The following DNA2 variants were observed in gnomAD, a reference collection of about 807,000 sequenced individuals.
DNA2 encodes the protein DNA replication ATP-dependent helicase/nuclease DNA2.
A neutral mutation model predicts 119.1 loss-of-function variants in DNA2; 101 were observed. That is an observed-to-expected ratio of 0.85 (90% CI 0.72 to 1.00). DNA2 has a LOEUF of 1.00. Ranked by LOEUF, DNA2 falls within the 50% of genes least tolerant of loss-of-function variation. The pLI is 0.00. For missense variants in DNA2, 1,121 were observed against 1,255.5 expected, an observed-to-expected ratio of 0.89 and a Z score of 1.62; for synonymous variants, 366 against 424.4, an observed-to-expected ratio of 0.86 and a Z score of 1.69.
At chr10:68,464,462 C>T in intron 4 of DNA2, among the ~76,000 whole-genome samples, 1 of 151,290 alleles carries the variant, frequency 6.6e-6, no homozygotes, top group Non-Finnish European at 1.5e-5. Context: ...CTGCAATGAG[C>T]CAAGAGCAAG....
At position 68,427,005 on chromosome 10, in the gene DNA2, C is replaced by T. The variant is rs143215370; in HGVS notation, c.2208+3431G>A. 3.2e-3 allele frequency among the ~76,000 whole-genome samples: 491 copies of T among 152,228 alleles called. 3 individuals carry two copies. The highest frequency in any genetic ancestry group is 0.011 in the African/African-American group (454 of 41,540). Reference sequence around the variant, plus strand: ...TTTTAAAAATTCTCAAAACTCAACACTACAAAGCATATAATCCAAAATGGG... The same window carrying T: ...TTTTAAAAATTCTCAAAACTCAACATTACAAAGCATATAATCCAAAATGGG... On this transcript the variant is annotated intron_variant, in intron 14 of 20. Coordinates refer to ENST00000358410, the MANE Select transcript of DNA2 (RefSeq NM_001080449.3).
chr10:68,470,747 TTA>T, intron 1 of DNA2: 1 of 329,640 alleles, frequency 3.0e-6, no homozygotes, highest in South Asian at 2.4e-5. Context: ...AATATGAGAC[TTA>T]TGTTACGGAA....
At chr10:68,416,633 G>T in intron 20 of DNA2, 76 bp downstream of exon 20, 1 of 1,435,404 alleles carries the variant, frequency 7.0e-7, no homozygotes, top group Non-Finnish European at 9.7e-7. Flanking sequence ...CATAGTGAGA[G>T]CTTTAATTTA....
intron 1 of DNA2, 124 bp downstream of exon 1, chr10:68,471,667 G>C: frequency 1.6e-6 from 2 of 1,229,518 alleles, no homozygotes; most frequent in East Asian, 2.7e-5. Context: ...CGGGTGCCCA[G>C]GGAGCTGCAC....
At chr10:68,462,202 C>T (rs2052268770) in intron 4 of DNA2, among the ~76,000 whole-genome samples, 1 of 152,066 alleles carries the variant, frequency 6.6e-6, no homozygotes. Flanking sequence ...GAAACCCTGT[C>T]TCTACTCACA....
Position 68,468,284 on chromosome 10 carries a change from C to T in DNA2, c.280G>A (p.Gly94Arg), listed in dbSNP as rs765453168. The T allele has an allele frequency of 1.9e-6, 3 of 1,598,358 alleles. No homozygotes were observed. Among genetic ancestry groups the T allele is most frequent in the Non-Finnish European group, 1.7e-6 (2 of 1,173,254 alleles). ...TCTCCCTCCAAATGAATGATATCTC[C>T]TGGCTCTACTGGAACAGAACACCTG... The part of the protein sequence containing the change: ...NDWCSVPVEP[G>R]DIIHLEGDCT... Residue 94 changes from glycine to arginine, a missense_variant, in exon 3 of 21, where the codon GGA becomes AGA. Physicochemically the swap from Gly to Arg is moderately radical, Grantham distance 125. Coordinates refer to ENST00000358410, the MANE Select transcript of DNA2 (RefSeq NM_001080449.3).
chr10:68,451,673 G>A (rs1375437022), intron 5 of DNA2, among the ~76,000 whole-genome samples: 1 of 151,834 alleles, frequency 6.6e-6, no homozygotes, highest in East Asian at 1.9e-4. Flanking sequence ...AATTCTAGTG[G>A]TTAGAATAGA....
At chr10:68,437,527 GT>G (rs2051906470) in intron 9 of DNA2, among the ~76,000 whole-genome samples, 1 of 151,778 alleles carries the variant, frequency 6.6e-6, no homozygotes, top group African/African-American at 2.4e-5. Flanking sequence ...GTGCTCGCCC[GT>G]AATCCCAGCT....
chr10:68,461,481 CTACTTGGATGGGAGACCACCTGGGAATAT>C (rs1564896306), intron 4 of DNA2: 2 of 152,038 alleles, frequency 1.3e-5, no homozygotes. Flanking sequence ...AGCTTGGTTA[CTACTTGGATGGGAGACCACCTGGGAATAT>C]TGGGTGCTGT....
chr10:68,458,181 AAAG>A (rs1319788584), intron 5 of DNA2, among the ~76,000 whole-genome samples: 1 of 151,998 alleles, frequency 6.6e-6, no homozygotes, highest in Admixed American at 6.6e-5. Context: ...TCAAAAAAAA[AAAG>A]AATCAAATGA....
chr10:68,427,650 A>AACACACACACACACACACACACACACAC (rs151180015), intron 14 of DNA2, among the ~76,000 whole-genome samples: 6 of 140,140 alleles, frequency 4.3e-5, no homozygotes, highest in Admixed American at 1.4e-4. Context: ...CCTTGTCTCA[A>AACACACACACACACACACACACACACAC]ACACACACAC....
chr10:68,458,621 G>A (rs966361203), intron 5 of DNA2, among the ~76,000 whole-genome samples: 5 of 151,910 alleles, frequency 3.3e-5, no homozygotes, highest in African/African-American at 1.2e-4. Flanking sequence ...GGCTGAGGCG[G>A]GTGGATCACC....
intron 5 of DNA2, among the ~76,000 whole-genome samples, chr10:68,452,848 T>A (rs1293295838): frequency 1.3e-5 from 2 of 149,680 alleles, no homozygotes; most frequent in Non-Finnish European, 3.0e-5. Flanking sequence ...CCTCCCAAAG[T>A]GCTGGGATTA....
intron 1 of DNA2, among the ~76,000 whole-genome samples, 158 bp from the exon 2 acceptor site, chr10:68,470,321 G>A (rs2052370482): frequency 6.6e-6 from 1 of 152,176 alleles, no homozygotes; most frequent in Non-Finnish European, 1.5e-5. Context: ...AATTAAGAGA[G>A]CAAAGACACA....
At chr10:68,415,926 A>G (rs921860401) in intron 20 of DNA2, among the ~76,000 whole-genome samples, 1 of 152,210 alleles carries the variant, frequency 6.6e-6, no homozygotes, top group Non-Finnish European at 1.5e-5. Context: ...CTAGGATTAC[A>G]GGTGTGAGCC....
At chr10:68,458,134 T>C (rs926362702) in intron 5 of DNA2, among the ~76,000 whole-genome samples, 7 of 151,044 alleles carry the variant, frequency 4.6e-5, no homozygotes, top group South Asian at 2.1e-4. Flanking sequence ...GATCACACCA[T>C]TGCACTCCAG....
intron 14 of DNA2, among the ~76,000 whole-genome samples, chr10:68,430,175 G>A (rs930261463): frequency 4.6e-5 from 7 of 151,962 alleles, no homozygotes; most frequent in African/African-American, 7.2e-5. Context: ...GTAAGCCATC[G>A]CACCTGGCTG....
chr10:68,420,806 C>T (rs1371247087), intron 17 of DNA2, among the ~76,000 whole-genome samples: 1 of 151,734 alleles, frequency 6.6e-6, no homozygotes, highest in Admixed American at 6.6e-5. Context: ...ACAAAAAAGT[C>T]GTTGTGCAGA....
rs1325187503 is a variant in DNA2 at position 68,448,966 on chromosome 10, T to TGTGTGTGTGC, written c.939+1061_939+1062insGCACACACAC. The stretch of plus-strand genomic sequence containing the variant: ...GTGTGTGTGTGTGTGTGTGTGTGTG[T>TGTGTGTGTGC]GCGTGTGTGTGTGTGTGTGTAGTAG... On this transcript the variant is annotated intron_variant, in intron 6 of 20. Transcript: ENST00000358410. Among the ~76,000 whole-genome samples the TGTGTGTGTGC allele has an allele frequency of 7.2e-4, 94 of 131,210 alleles. 1 individual carries two copies. The highest frequency in any genetic ancestry group is 1.2e-3 in the Non-Finnish European group (77 of 63,384). The allele number at this position is 131,210 out of a possible 152,430, so 86.1% of individuals were successfully genotyped here. A position where few individuals can be genotyped will look rare whatever the true frequency, so the allele number is the denominator to read the frequency against.
Sources: gnomAD v4.1 joint callset for allele counts (sites outside exome capture counted in the v4.1 genomes callset) on GRCh38, gnomAD v4.1.1 for gene constraint, MANE v1.5 for transcripts, NCBI Gene and HGNC (gene_info 2026-07-23, HGNC 2026-07-21) for gene names.